CPNE4: variants seen among roughly 807,000 people sequenced by gnomAD.
The protein encoded by CPNE4 is copine-4.
Under a neutral mutation model 67.9 loss-of-function variants are expected in CPNE4, and 25 were observed. The ratio of observed to expected loss-of-function variants is 0.37; its 90% CI spans 0.27 to 0.51. The LOEUF (loss-of-function observed/expected upper bound fraction) is 0.51. Ranked by LOEUF, CPNE4 falls within the 20% of genes least tolerant of loss-of-function variation. The pLI is 0.93. For synonymous variants in CPNE4, 242 were observed against 244.9 expected (o/e 0.99, Z 0.11); for missense variants, 464 against 690.8 (o/e 0.67, Z 3.68).
intron 3 of CPNE4, among the ~76,000 whole-genome samples, chr3:131,701,697 T>C (rs186007420): frequency 1.4e-3 from 211 of 152,258 alleles, no homozygotes; most frequent in Admixed American, 5.8e-3. Flanking sequence ...TTGAGATAAC[T>C]GCACCTTGAT....
chr3:131,867,077 G>A (rs531411423), intron 2 of CPNE4, among the ~76,000 whole-genome samples: 3 of 152,316 alleles, frequency 2.0e-5, no homozygotes, highest in African/African-American at 7.2e-5. Context: ...TAGAAATTCA[G>A]GTGAGAAGTC....
At chr3:131,793,055 A>G (rs2083820826) in intron 2 of CPNE4, among the ~76,000 whole-genome samples, 1 of 152,174 alleles carries the variant, frequency 6.6e-6, no homozygotes, top group African/African-American at 2.4e-5. Context: ...GCTTAAATCA[A>G]AATTCTGTTG....
At chr3:131,968,469 G>C (rs894354683) in intron 1 of CPNE4, among the ~76,000 whole-genome samples, 2 of 152,172 alleles carry the variant, frequency 1.3e-5, no homozygotes, top group Non-Finnish European at 2.9e-5. Flanking sequence ...TCTGACAAAG[G>C]TCTAATATCC....
In CPNE4 at chr3:131,598,673, A is replaced by G. The variant is rs537582692; in HGVS notation, c.682-11091T>C. Among the ~76,000 whole-genome samples, 6 of 152,290 alleles carry G rather than the reference A, an allele frequency of 3.9e-5. No homozygotes were observed. In the South Asian group the frequency reaches 1.2e-3, roughly 32 times the overall value. On this transcript the variant is annotated intron_variant, in intron 7 of 15. Transcript: ENST00000429747. ...TTTCTTCACATCCTGGGCCCTTTTC[A>G]CTATACCACATAGCTTCATAGTTTA...
At position 132,034,583 on chromosome 3, in the gene CPNE4, C is replaced by T. The variant is rs1431749895; in HGVS notation, c.-18G>A. On this transcript the variant is annotated 5_prime_UTR_variant, in exon 1 of 16. Coordinates refer to ENST00000429747, the MANE Select transcript of CPNE4 (RefSeq NM_130808.3). ...TTTACTTACCTGGGTGTGCCAATCT[C>T]GAAGAGTGGAGAGAGAATTCAGCCC... is the stretch of plus-strand genomic sequence containing the variant. The T allele has an allele frequency of 1.0e-6, 1 of 985,232 alleles. No individual in the cohort carries two copies. The highest frequency in any genetic ancestry group is 1.7e-5 in the African/African-American group (1 of 57,216). The allele number at this position is 985,232 out of a possible 1,614,324, so 61.0% of individuals were successfully genotyped here.
chr3:131,726,957 G>A (rs1280237789), intron 2 of CPNE4, among the ~76,000 whole-genome samples: 5 of 152,198 alleles, frequency 3.3e-5, no homozygotes, highest in Non-Finnish European at 7.3e-5. Context: ...CTGCAAAAAT[G>A]TGAATGCTTA....
At chr3:131,751,361 AT>A (rs1281006358) in intron 2 of CPNE4, among the ~76,000 whole-genome samples, 5 of 151,956 alleles carry the variant, frequency 3.3e-5, no homozygotes, top group African/African-American at 1.2e-4. Context: ...AGTTGATCAG[AT>A]TAGGTATTTC....
chr3:132,001,694 C>G (rs2073455100), intron 1 of CPNE4, among the ~76,000 whole-genome samples: 1 of 152,072 alleles, frequency 6.6e-6, no homozygotes, highest in South Asian at 2.1e-4. Flanking sequence ...CTTACAGATT[C>G]TTCATGTCTG....
At chr3:131,983,821 C>T (rs984826734) in intron 1 of CPNE4, among the ~76,000 whole-genome samples, 9 of 152,176 alleles carry the variant, frequency 5.9e-5, no homozygotes, top group African/African-American at 1.9e-4. Context: ...CTATATCCAT[C>T]GAAGACAACA....
intron 1 of CPNE4, among the ~76,000 whole-genome samples, chr3:131,973,112 C>A (rs1009132192): frequency 5.9e-5 from 9 of 152,116 alleles, no homozygotes; most frequent in African/African-American, 2.2e-4. Flanking sequence ...CATAAACTCA[C>A]AGTGTGTGTG....
Position 131,848,956 on chromosome 3 carries a change from CAAAAAAA to C in CPNE4, c.180+56301_180+56307del, listed in dbSNP as rs67407668. Among the ~76,000 whole-genome samples the C allele has an allele frequency of 3.5e-4, 28 of 79,638 alleles. 1 individual carries two copies. The highest frequency in any genetic ancestry group is 1.1e-3 in the African/African-American group (16 of 14,504). The allele number at this position is 79,638 out of a possible 152,430, so 52.2% of individuals were successfully genotyped here. On this transcript the variant is annotated intron_variant, in intron 2 of 15. Coordinates refer to ENST00000429747, the MANE Select transcript of CPNE4 (RefSeq NM_130808.3). ...ACTGGTGGAATGACAGTAGTGATTA[CAAAAAAA>C]AAAAAAAAAAAAAAAAAAACACAGA...
intron 6 of CPNE4, among the ~76,000 whole-genome samples, chr3:131,677,280 G>T (rs921597902): frequency 3.1e-4 from 46 of 150,514 alleles, no homozygotes; most frequent in Non-Finnish European, 5.9e-5. Context: ...ACTTTTTAAT[G>T]AGTTTTTTTC....
At chr3:131,646,218 A>G (rs1012234904) in intron 7 of CPNE4, among the ~76,000 whole-genome samples, 15 of 152,194 alleles carry the variant, frequency 9.9e-5, no homozygotes, top group African/African-American at 3.6e-4. Flanking sequence ...AGGCCAAAGG[A>G]TTCTTTTCCC....
intron 1 of CPNE4, among the ~76,000 whole-genome samples, chr3:131,952,041 G>A (rs1234286031): frequency 1.2e-4 from 18 of 150,520 alleles, no homozygotes; most frequent in African/African-American, 4.4e-4. Flanking sequence ...GGGATGTGAG[G>A]AGCCCCTCTG....
chr3:131,647,342 C>G (rs2107617540), intron 7 of CPNE4, among the ~76,000 whole-genome samples: 1 of 152,314 alleles, frequency 6.6e-6, no homozygotes, highest in Middle Eastern at 3.4e-3. Flanking sequence ...TTTCTACAGA[C>G]AGGACCAAGT....
At chr3:131,556,894 T>C (rs1236737096) in intron 11 of CPNE4, among the ~76,000 whole-genome samples, 2 of 152,112 alleles carry the variant, frequency 1.3e-5, no homozygotes, top group African/African-American at 4.8e-5. Flanking sequence ...CCCTGCTAGA[T>C]GATGTATCTA....
At chr3:131,788,714 T>C (rs1019076018) in intron 2 of CPNE4, among the ~76,000 whole-genome samples, 2 of 152,124 alleles carry the variant, frequency 1.3e-5, no homozygotes, top group Admixed American at 1.3e-4. Context: ...AATAATGATT[T>C]ATCCAATTAC....
chr3:131,586,053 C>T (rs1938161116), intron 8 of CPNE4, among the ~76,000 whole-genome samples: 1 of 150,960 alleles, frequency 6.6e-6, no homozygotes, highest in South Asian at 2.1e-4. Context: ...AATGTTAGTT[C>T]ATTTCCATCC....
intron 3 of CPNE4, among the ~76,000 whole-genome samples, chr3:131,701,718 TGA>T (rs2081306858): frequency 6.6e-6 from 1 of 152,184 alleles, no homozygotes; most frequent in Non-Finnish European, 1.5e-5. Context: ...TGCAGCTTCA[TGA>T]GAAACCCTTG....
Sources: gnomAD v4.1 joint callset for allele counts (sites outside exome capture counted in the v4.1 genomes callset) on GRCh38, gnomAD v4.1.1 for gene constraint, MANE v1.5 for transcripts, NCBI Gene and HGNC (gene_info 2026-07-23, HGNC 2026-07-21) for gene names.